ADGRL3: variants seen among roughly 807,000 people sequenced by gnomAD.
ADGRL3 encodes adhesion G protein-coupled receptor L3.
A neutral mutation model predicts 153.5 loss-of-function variants in ADGRL3; 62 were observed. That is an observed-to-expected ratio of 0.40 (90% CI 0.33 to 0.50). The LOEUF is 0.50. Ranked by LOEUF, ADGRL3 falls within the 20% of genes least tolerant of loss-of-function variation. ADGRL3 has a pLI of 0.47. For synonymous variants in ADGRL3, 710 were observed against 672.5 expected (o/e 1.06, Z -0.86); for missense variants, 1,641 against 1,859.4 (o/e 0.88, Z 2.16).
intron 3 of ADGRL3, among the ~76,000 whole-genome samples, chr4:61,504,489 T>G (rs940304903): frequency 3.9e-5 from 6 of 152,192 alleles, no homozygotes; most frequent in Non-Finnish European, 8.8e-5. Context: ...AAATTTTTAT[T>G]TATATGTGTT....
chr4:61,861,706 T>C (rs911101968), intron 9 of ADGRL3, among the ~76,000 whole-genome samples: 2 of 151,992 alleles, frequency 1.3e-5, no homozygotes, highest in African/African-American at 4.8e-5. Context: ...TAGGGCATAG[T>C]AGGATTGGTT....
chr4:61,903,650 CAAAAAA>C (rs55879235), intron 11 of ADGRL3, among the ~76,000 whole-genome samples: 143 of 72,312 alleles, frequency 2.0e-3, no homozygotes, highest in African/African-American at 8.8e-3. Context: ...TGGGAAACAG[CAAAAAA>C]AAAAAAAAAA....
intron 1 of ADGRL3, among the ~76,000 whole-genome samples, chr4:61,313,242 G>A (rs1189880419): frequency 6.6e-6 from 1 of 152,176 alleles, no homozygotes; most frequent in Non-Finnish European, 1.5e-5. Flanking sequence ...AGGATCATGG[G>A]GAGATGAAGA....
intron 5 of ADGRL3, among the ~76,000 whole-genome samples, chr4:61,621,464 A>T (rs2092506151): frequency 6.6e-6 from 1 of 152,178 alleles, no homozygotes; most frequent in African/African-American, 2.4e-5. Flanking sequence ...GGAGAACTTT[A>T]TATGGTAAAT....
chr4:61,376,637 G>T (rs2096606329), intron 1 of ADGRL3, among the ~76,000 whole-genome samples: 5 of 152,228 alleles, frequency 3.3e-5, no homozygotes, highest in Admixed American at 3.3e-4. Flanking sequence ...CTAGATGTCT[G>T]TTCAAGCCTC....
intron 5 of ADGRL3, among the ~76,000 whole-genome samples, chr4:61,589,677 C>T (rs758499383): frequency 4.6e-5 from 7 of 151,906 alleles, no homozygotes; most frequent in Non-Finnish European, 7.4e-5. Context: ...TGATTATCAC[C>T]GTATTCTTGT....
chr4:61,730,590 C>T (rs958692050), intron 6 of ADGRL3, 32 bp from the exon 7 acceptor site: 7 of 490,942 alleles, frequency 1.4e-5, no homozygotes, highest in African/African-American at 1.4e-4. Flanking sequence ...TCTCTTTTCT[C>T]CTTTCTCTCT....
At chr4:61,571,932 C>A (rs893622355) in intron 4 of ADGRL3, among the ~76,000 whole-genome samples, 5 of 152,150 alleles carry the variant, frequency 3.3e-5, no homozygotes, top group African/African-American at 1.2e-4. Flanking sequence ...AATAAAGCCT[C>A]TTTCTTGGCA....
chr4:61,618,910 G>A (rs536658118), intron 5 of ADGRL3, among the ~76,000 whole-genome samples: 11 of 152,034 alleles, frequency 7.2e-5, no homozygotes, highest in African/African-American at 9.7e-5. Context: ...GTGGAGACAG[G>A]GTTTCTATGT....
intron 1 of ADGRL3, among the ~76,000 whole-genome samples, chr4:61,273,288 A>G (rs945434440): frequency 1.3e-5 from 2 of 152,118 alleles, no homozygotes; most frequent in Non-Finnish European, 2.9e-5. Context: ...TTCCCTAAGT[A>G]CGGTATTTGA....
chr4:61,701,113 A>G (rs1013125032), intron 6 of ADGRL3, among the ~76,000 whole-genome samples: 77 of 152,174 alleles, frequency 5.1e-4, no homozygotes, highest in African/African-American at 1.8e-3. Flanking sequence ...AAATGACTAA[A>G]GAAGAAAAGG....
chr4:61,528,843 G>A (rs1481998588), intron 4 of ADGRL3, among the ~76,000 whole-genome samples: 2 of 152,146 alleles, frequency 1.3e-5, no homozygotes, highest in Non-Finnish European at 2.9e-5. Flanking sequence ...GATATGCAAG[G>A]AAGCTCAATA....
intron 5 of ADGRL3, among the ~76,000 whole-genome samples, chr4:61,642,320 G>T (rs1256484755): frequency 1.6e-4 from 24 of 152,188 alleles, no homozygotes; most frequent in African/African-American, 4.8e-4. Flanking sequence ...TTCTGGCTTT[G>T]GTTGCCATTG....
intron 1 of ADGRL3, among the ~76,000 whole-genome samples, chr4:61,217,927 T>C (rs140265763): frequency 8.5e-5 from 13 of 152,300 alleles, no homozygotes; most frequent in Middle Eastern, 3.4e-3. Flanking sequence ...TGTCAAAGAA[T>C]AGCAGTAAAA....
chr4:61,443,850 A>T (rs1018860130), intron 2 of ADGRL3, among the ~76,000 whole-genome samples: 5 of 152,170 alleles, frequency 3.3e-5, no homozygotes, highest in African/African-American at 1.2e-4. Context: ...AATTATGTGA[A>T]ATTTATATCA....
chr4:61,934,087 G>A (rs1212665351), intron 13 of ADGRL3: 3 of 152,178 alleles, frequency 2.0e-5, no homozygotes, highest in Non-Finnish European at 4.4e-5. Flanking sequence ...TGTAACTACA[G>A]AGATGATTCT....
At chr4:61,962,801 T>C (rs1395226511) in intron 17 of ADGRL3, among the ~76,000 whole-genome samples, 1 of 152,164 alleles carries the variant, frequency 6.6e-6, no homozygotes, top group Non-Finnish European at 1.5e-5. Flanking sequence ...TTTGGAAACT[T>C]TGTTCTATTA....
intron 5 of ADGRL3, among the ~76,000 whole-genome samples, chr4:61,611,715 A>G (rs935616814): frequency 2.0e-5 from 3 of 152,106 alleles, no homozygotes; most frequent in African/African-American, 7.2e-5. Context: ...TTGAGGCCAG[A>G]TTCAAGACCA....
chr4:61,680,867 G>GT (rs2095321335), intron 6 of ADGRL3, among the ~76,000 whole-genome samples: 1 of 151,954 alleles, frequency 6.6e-6, no homozygotes, highest in South Asian at 2.1e-4. Context: ...CTTCTGTTCT[G>GT]TTTTTTCTTG....
Sources: allele counts gnomAD v4.1 joint callset (sites outside exome capture counted in the v4.1 genomes callset), GRCh38; gene constraint gnomAD v4.1.1; transcripts MANE v1.5; gene names NCBI Gene and HGNC (gene_info 2026-07-23, HGNC 2026-07-21).